Variants in OBI1 observed in about 807,000 individuals in gnomAD.
OBI1 encodes ORC ubiquitin ligase 1.
A neutral mutation model predicts 62.4 loss-of-function variants in OBI1; 59 were observed. The observed-to-expected ratio is 0.95, with a 90% confidence interval of 0.77 to 1.17. OBI1 has a LOEUF of 1.17. Ranked by LOEUF, OBI1 falls within the 50% of genes most tolerant of loss-of-function variation. The pLI is 0.00. For missense variants in OBI1, 875 were observed against 830.9 expected, an observed-to-expected ratio of 1.05 and a Z score of -0.65; for synonymous variants, 302 against 292.8, an observed-to-expected ratio of 1.03 and a Z score of -0.32.
chr13:78,642,202 C>T lies in OBI1; in HGVS notation c.220G>A (p.Glu74Lys), dbSNP rs1396344908. ...PCKEIIGGTS[E>K]SEPMLSHTVR... ...GTATGGCTTAGCATAGGTTCACTTT[C>T]ACTTGTTCCTCCTGTAGGGAAAAAA... Residue 74 changes from glutamate (E) to lysine (K), a missense_variant, in exon 3 of 6, where the codon GAA becomes AAA. Glu to Lys is a moderately conservative substitution (Grantham distance 56). Transcript: ENST00000282003. 6.3e-7 allele frequency: 1 copy of T among 1,599,894 alleles called. No homozygotes were observed. The highest frequency in any genetic ancestry group is 8.6e-7 in the Non-Finnish European group (1 of 1,169,216).
At chr13:78,618,399 A>G (rs1046565593) in intron 5 of OBI1, among the ~76,000 whole-genome samples, 2 of 151,884 alleles carry the variant, frequency 1.3e-5, no homozygotes, top group Non-Finnish European at 2.9e-5. Flanking sequence ...TATTGAAAAA[A>G]AAAACTACAA....
chr13:78,651,738 A>G (rs1876551541), intron 1 of OBI1, among the ~76,000 whole-genome samples: 1 of 152,214 alleles, frequency 6.6e-6, no homozygotes, highest in African/African-American at 2.4e-5. Flanking sequence ...TCATTTATTT[A>G]ATGTTCACCT....
At chr13:78,639,350 T>C (rs1474040664) in intron 3 of OBI1, among the ~76,000 whole-genome samples, 1 of 152,212 alleles carries the variant, frequency 6.6e-6, no homozygotes, top group African/African-American at 2.4e-5. Flanking sequence ...CTATTTAAGA[T>C]ATCATCCAGG....
intron 1 of OBI1, among the ~76,000 whole-genome samples, chr13:78,654,211 T>C (rs1338409618): frequency 1.3e-5 from 2 of 152,186 alleles, no homozygotes; most frequent in East Asian, 1.9e-4. Context: ...AGCTATTACA[T>C]ACCAACCCTG....
At chr13:78,637,444 C>T (rs1876063527) in intron 4 of OBI1, among the ~76,000 whole-genome samples, 1 of 152,162 alleles carries the variant, frequency 6.6e-6, no homozygotes, top group African/African-American at 2.4e-5. Context: ...ATTAACTGTG[C>T]TTTATGTATT....
chr13:78,645,114 G>A, intron 1 of OBI1, 117 bp from the exon 2 acceptor site: 1 of 958,776 alleles, frequency 1.0e-6, no homozygotes, highest in South Asian at 1.7e-5. Flanking sequence ...TTTAAGAAGG[G>A]ATATCTAGCG....
Position 78,629,854 on chromosome 13 carries a change from A to G in OBI1, c.638+5256T>C, listed in dbSNP as rs1335302498. On this transcript the variant is annotated intron_variant, in intron 5 of 5. Transcript: ENST00000282003. The stretch of plus-strand genomic sequence containing the variant: ...GGAGTCATGCTACCAAACTATAAAA[A>G]TAGAGGGATGATGGTCACAGTAGAG... 5.3e-5 allele frequency among the ~76,000 whole-genome samples: 8 copies of G among 152,144 alleles called. No individual in the cohort carries two copies. In the South Asian group the frequency reaches 1.7e-3, roughly 32 times the overall value.
chr13:78,651,756 C>T (rs1876551932), intron 1 of OBI1, among the ~76,000 whole-genome samples: 1 of 152,168 alleles, frequency 6.6e-6, no homozygotes, highest in East Asian at 1.9e-4. Flanking sequence ...CCTCTTTCTG[C>T]ATTGTGCTGT....
chr13:78,654,749 T>C (rs1365105889), intron 1 of OBI1, among the ~76,000 whole-genome samples: 1 of 152,206 alleles, frequency 6.6e-6, no homozygotes. Context: ...GCTGATTTCA[T>C]TTCTGGTTAT....
intron 5 of OBI1, among the ~76,000 whole-genome samples, chr13:78,626,192 G>A (rs1466337401): frequency 6.6e-6 from 1 of 152,184 alleles, no homozygotes; most frequent in East Asian, 1.9e-4. Context: ...AAAGAGGAAA[G>A]CTTCCAGAAA....
intron 3 of OBI1, 27 bp from the exon 4 acceptor site, chr13:78,639,098 G>A (rs1031371497): frequency 6.2e-7 from 1 of 1,603,356 alleles, no homozygotes; most frequent in Non-Finnish European, 8.5e-7. Flanking sequence ...TAGTCATGAG[G>A]CAGGCATAGA....
rs79157847 is a variant in OBI1 at position 78,642,223 on chromosome 13, A to G, written c.209-10T>C. The G allele has an allele frequency of 2.0e-5, 25 of 1,277,302 alleles. No homozygotes were observed. Among genetic ancestry groups the G allele is most frequent in the Admixed American group, 1.1e-4 (5 of 46,130 alleles). 79.1% of individuals were successfully genotyped at this position (1,277,302 alleles called of 1,614,324 possible). A position where few individuals can be genotyped will look rare whatever the true frequency, so the allele number is the denominator to read the frequency against. On this transcript the variant is annotated splice_polypyrimidine_tract_variant and intron_variant, in intron 2 of 5. Coordinates refer to ENST00000282003, the MANE Select transcript of OBI1 (RefSeq NM_024546.4). ...CTTTCACTTGTTCCTCCTGTAGGGA[A>G]AAAAAAAAAAATCCTAATTTTTCAT...
intron 5 of OBI1, among the ~76,000 whole-genome samples, chr13:78,629,468 T>C (rs1875781926): frequency 6.6e-6 from 1 of 151,852 alleles, no homozygotes; most frequent in African/African-American, 2.4e-5. Flanking sequence ...GATCCCTGCC[T>C]CAAGTGGCTA....
At chr13:78,620,747 G>A (rs1875483167) in intron 5 of OBI1, 1 of 420,394 alleles carries the variant, frequency 2.4e-6, no homozygotes. Flanking sequence ...AAACTAAAGA[G>A]CATCTCTAAC....
chr13:78,633,790 G>A (rs1428494672), intron 5 of OBI1, among the ~76,000 whole-genome samples: 5 of 152,136 alleles, frequency 3.3e-5, no homozygotes, highest in South Asian at 2.1e-4. Flanking sequence ...CTCCATGGCC[G>A]GGCGTGGTGG....
chr13:78,632,264 G>A (rs1875875452), intron 5 of OBI1, among the ~76,000 whole-genome samples: 1 of 152,146 alleles, frequency 6.6e-6, no homozygotes, highest in South Asian at 2.1e-4. Flanking sequence ...TGCAAGCCAG[G>A]AAGAGAACCC....
chr13:78,655,839 G>A (rs1430532310), intron 1 of OBI1, among the ~76,000 whole-genome samples: 1 of 152,228 alleles, frequency 6.6e-6, no homozygotes, highest in East Asian at 1.9e-4. Flanking sequence ...GATGCTCTAT[G>A]TCAGGGAAGC....
At chr13:78,644,648 TC>T (rs1425853101) in intron 2 of OBI1, among the ~76,000 whole-genome samples, 1 of 152,088 alleles carries the variant, frequency 6.6e-6, no homozygotes, top group Non-Finnish European at 1.5e-5. Flanking sequence ...AAATGTAAGT[TC>T]CGTGAGGCTC....
intron 1 of OBI1, among the ~76,000 whole-genome samples, chr13:78,655,890 G>A (rs1876687002): frequency 6.6e-6 from 1 of 152,182 alleles, no homozygotes; most frequent in Non-Finnish European, 1.5e-5. Context: ...GTATCTCACA[G>A]TATAATACGT....
Sources: gnomAD v4.1 joint callset for allele counts (sites outside exome capture counted in the v4.1 genomes callset) on GRCh38, gnomAD v4.1.1 for gene constraint, MANE v1.5 for transcripts, NCBI Gene and HGNC (gene_info 2026-07-23, HGNC 2026-07-21) for gene names.